NEK1: variants seen among roughly 807,000 people sequenced by gnomAD.
NEK1 encodes the protein NIMA related kinase 1.
In NEK1, 137 loss-of-function variants were observed where a neutral mutation model predicts 182.1. That is an observed-to-expected ratio of 0.75 (90% CI 0.65 to 0.87). The LOEUF (loss-of-function observed/expected upper bound fraction) is 0.87. Among genes scored for constraint, NEK1 ranks in the 40% least tolerant of loss-of-function variants. The pLI, the probability that NEK1 is intolerant of heterozygous loss-of-function variation, is 0.00. For missense variants in NEK1, 1,391 were observed against 1,494.4 expected (o/e 0.93, Z 1.14); for synonymous variants, 513 against 492.2 (o/e 1.04, Z -0.56).
Position 169,612,561 on chromosome 4 carries a change from TC to T in NEK1, c.-513del, listed in dbSNP as rs1772496757. The T allele has an allele frequency of 6.6e-6, 1 of 151,486 alleles. No homozygotes were observed. The highest frequency in any genetic ancestry group is 2.4e-5 in the African/African-American group (1 of 41,174). The allele number at this position is 151,486 out of a possible 1,614,324, so 9.4% of individuals were successfully genotyped here. On this transcript the variant is annotated 5_prime_UTR_variant, in exon 1 of 36. Transcript: ENST00000507142. Reference sequence around the variant, plus strand: ...AGGGTAAGGACTCCGCAACCTAGGGTCCCAAAACCCTGGAGCGAATGCGGAC... The same window carrying T: ...AGGGTAAGGACTCCGCAACCTAGGGTCCAAAACCCTGGAGCGAATGCGGAC...
At chr4:169,593,781 G>A (rs945705533) in intron 5 of NEK1, among the ~76,000 whole-genome samples, 19 of 152,126 alleles carry the variant, frequency 1.2e-4, no homozygotes, top group African/African-American at 4.3e-4. Flanking sequence ...GAGGTCAGGA[G>A]ATCGAGACCA....
intron 24 of NEK1, among the ~76,000 whole-genome samples, chr4:169,478,544 A>T (rs1403336966): frequency 6.6e-6 from 1 of 152,154 alleles, no homozygotes; most frequent in Non-Finnish European, 1.5e-5. Flanking sequence ...TCTTACATGA[A>T]GTTCTTGAGA....
At chr4:169,542,237 C>T (rs1473496532) in intron 18 of NEK1, among the ~76,000 whole-genome samples, 2 of 152,262 alleles carry the variant, frequency 1.3e-5, no homozygotes, top group East Asian at 3.9e-4. Context: ...TGTTCAACTC[C>T]CACTTATGAG....
chr4:169,601,197 G>C (rs1419815778), intron 4 of NEK1, among the ~76,000 whole-genome samples: 1 of 152,148 alleles, frequency 6.6e-6, no homozygotes, highest in Non-Finnish European at 1.5e-5. Context: ...TAGACACAGA[G>C]TTCATCTGGG....
At chr4:169,413,165 C>T (rs1436671978) in intron 31 of NEK1, among the ~76,000 whole-genome samples, 1 of 96,948 alleles carries the variant, frequency 1.0e-5, no homozygotes, top group African/African-American at 3.4e-5. Context: ...TTAAATAGTA[C>T]AGCTAATTTT....
intron 26 of NEK1, among the ~76,000 whole-genome samples, chr4:169,465,762 T>C (rs1376032340): frequency 2.0e-5 from 3 of 152,104 alleles, no homozygotes; most frequent in Non-Finnish European, 4.4e-5. Context: ...TAATGCACAG[T>C]AATACTAATA....
At position 169,445,865 on chromosome 4, in the gene NEK1, T is replaced by TATATACACACACACACAC. The variant is rs569539235; in HGVS notation, c.2588-7607_2588-7606insGTGTGTGTGTGTGTATAT. Reference sequence around the variant, plus strand: ...AACTATATACATATATATATATATATACACACACACACACACACACATGCA... The same window carrying TATATACACACACACACAC: ...AACTATATACATATATATATATATATATATACACACACACACACACACACACACACACACACACATGCA... On this transcript the variant is annotated intron_variant, in intron 27 of 35. Transcript: ENST00000507142. Among the ~76,000 whole-genome samples the TATATACACACACACACAC allele has an allele frequency of 4.2e-5, 6 of 143,280 alleles. No individual in the cohort carries two copies. In the South Asian group the frequency reaches 6.5e-4, roughly 15 times the overall value. 94.0% of individuals were successfully genotyped at this position (143,280 alleles called of 152,430 possible). A position where few individuals can be genotyped will look rare whatever the true frequency, so the allele number is the denominator to read the frequency against.
At chr4:169,448,358 C>T (rs1377070603) in intron 27 of NEK1, among the ~76,000 whole-genome samples, 1 of 152,044 alleles carries the variant, frequency 6.6e-6, no homozygotes, top group African/African-American at 2.4e-5. Context: ...TCTGTTTTTG[C>T]AATCACTGTT....
At chr4:169,416,361 T>C (rs1734544366) in intron 31 of NEK1, among the ~76,000 whole-genome samples, 1 of 152,224 alleles carries the variant, frequency 6.6e-6, no homozygotes, top group African/African-American at 2.4e-5. Flanking sequence ...GCATTACAAG[T>C]GTTTTCACTT....
intron 26 of NEK1, among the ~76,000 whole-genome samples, chr4:169,472,165 A>C (rs1363966733): frequency 6.6e-6 from 1 of 151,606 alleles, no homozygotes; most frequent in Non-Finnish European, 1.5e-5. Context: ...GGTACAAAAA[A>C]CAAAAAAAAC....
At chr4:169,461,989 C>T (rs141505204) in intron 27 of NEK1, among the ~76,000 whole-genome samples, 4 of 151,992 alleles carry the variant, frequency 2.6e-5, no homozygotes, top group East Asian at 1.9e-4. Flanking sequence ...ATGATGAATA[C>T]GAAGAATGAA....
In NEK1 at chr4:169,445,871, C is replaced by T. The variant is rs552445027; in HGVS notation, c.2588-7612G>A. Among the ~76,000 whole-genome samples, 663 of 134,516 alleles carry T rather than the reference C, an allele frequency of 4.9e-3. 6 individuals carry two copies. The highest frequency in any genetic ancestry group is 0.028 in the South Asian group (136 of 4,772). The allele number at this position is 134,516 out of a possible 152,430, so 88.2% of individuals were successfully genotyped here. On this transcript the variant is annotated intron_variant, in intron 27 of 35. Transcript: ENST00000507142. Reference sequence around the variant, plus strand: ...ATACATATATATATATATATACACACACACACACACACACATGCACAAAAT... The same window carrying T: ...ATACATATATATATATATATACACATACACACACACACACATGCACAAAAT...
At chr4:169,539,643 G>A (rs1002015552) in intron 18 of NEK1, among the ~76,000 whole-genome samples, 13 of 151,946 alleles carry the variant, frequency 8.6e-5, no homozygotes, top group Non-Finnish European at 1.9e-4. Flanking sequence ...ATTCTGTTTT[G>A]CTATAGCCCG....
intron 8 of NEK1, among the ~76,000 whole-genome samples, chr4:169,587,850 GAAC>G (rs935148887): frequency 1.3e-4 from 20 of 151,766 alleles, no homozygotes; most frequent in Admixed American, 1.2e-3. Flanking sequence ...ATATTTAAAA[GAAC>G]AATATCAAAA....
chr4:169,607,437 T>A (rs1282305635), intron 2 of NEK1, among the ~76,000 whole-genome samples: 1 of 152,152 alleles, frequency 6.6e-6, no homozygotes. Flanking sequence ...ATGGAGAATT[T>A]CAACAAAGAA....
chr4:169,472,159 C>CA (rs954500728), intron 26 of NEK1, among the ~76,000 whole-genome samples: 1 of 149,718 alleles, frequency 6.7e-6, no homozygotes, highest in African/African-American at 2.5e-5. Context: ...CACTGAGGTA[C>CA]AAAAAACAAA....
chr4:169,561,481 T>C lies in NEK1; in HGVS notation c.1265A>G (p.Lys422Arg). The change falls in exon 16 of 36, where the codon AAG becomes AGG. Residue 422 changes from lysine (K) to arginine (R), a missense_variant and splice_region_variant. Coordinates refer to ENST00000507142, the MANE Select transcript of NEK1 (RefSeq NM_001199397.3). ...ACCATATTGGTATAAAATGCCTACCTTTACTTCACCACTTCCACCAGCACT... is the reference window on the plus strand; with the variant it reads ...ACCATATTGGTATAAAATGCCTACCCTTACTTCACCACTTCCACCAGCACT... ...VLSAGGSGEV[K>R]APFLGSGGTI... 1 of 1,613,436 alleles carries C rather than the reference T, an allele frequency of 6.2e-7. No individual in the cohort carries two copies. The highest frequency in any genetic ancestry group is 8.5e-7 in the Non-Finnish European group (1 of 1,179,528).
intron 26 of NEK1, among the ~76,000 whole-genome samples, chr4:169,470,097 T>C (rs1187104463): frequency 1.3e-5 from 2 of 152,114 alleles, no homozygotes; most frequent in Non-Finnish European, 2.9e-5. Flanking sequence ...CCAGTCTGGG[T>C]CTTTTAATTG....
intron 31 of NEK1, among the ~76,000 whole-genome samples, chr4:169,419,064 C>T (rs1417218420): frequency 1.3e-5 from 2 of 152,068 alleles, no homozygotes; most frequent in African/African-American, 2.4e-5. Flanking sequence ...AACAAACCTA[C>T]CACACTGCTA....
Sources: gnomAD v4.1 joint callset for allele counts (sites outside exome capture counted in the v4.1 genomes callset) on GRCh38, gnomAD v4.1.1 for gene constraint, MANE v1.5 for transcripts, NCBI Gene and HGNC (gene_info 2026-07-23, HGNC 2026-07-21) for gene names.